The following CPLX1 variants were observed in gnomAD, a reference collection of about 807,000 sequenced individuals.
The protein encoded by CPLX1 is complexin 1, also known as complexin-1.
Under a neutral mutation model 15.6 loss-of-function variants are expected in CPLX1, and 6 were observed. The ratio of observed to expected loss-of-function variants is 0.39; its 90% CI spans 0.21 to 0.76. The LOEUF (loss-of-function observed/expected upper bound fraction) is 0.76, where lower values mean the gene tolerates loss of function less well. Ranked by LOEUF, CPLX1 falls within the 30% of genes least tolerant of loss-of-function variation. The probability of loss-of-function intolerance (pLI) is 0.43; values close to 1 mark genes in which losing one functional copy is unlikely to be tolerated. For missense variants in CPLX1, 242 were observed against 188.6 expected, an observed-to-expected ratio of 1.28 and a Z score of -1.66; for synonymous variants, 91 against 75.2, an observed-to-expected ratio of 1.21 and a Z score of -1.08.
intron 2 of CPLX1, among the ~76,000 whole-genome samples, chr4:813,276 A>G (rs1470566044): frequency 6.6e-6 from 1 of 151,972 alleles, no homozygotes; most frequent in African/African-American, 2.4e-5. Context: ...AAAAAAAAAA[A>G]AAAAAAAGAG....
chr4:791,716 C>T (rs934240882), intron 3 of CPLX1, among the ~76,000 whole-genome samples: 5 of 152,190 alleles, frequency 3.3e-5, no homozygotes, highest in African/African-American at 9.7e-5. Context: ...GGGCCTGCTG[C>T]GGCCCCTACC....
intron 2 of CPLX1, among the ~76,000 whole-genome samples, chr4:818,671 T>C (rs1746806062): frequency 6.6e-6 from 1 of 152,274 alleles, no homozygotes; most frequent in Non-Finnish European, 1.5e-5. Flanking sequence ...GGCCAAGGAT[T>C]ACAACTGTCC....
At chr4:820,371 CAG>C (rs1249753709) in intron 2 of CPLX1, among the ~76,000 whole-genome samples, 1 of 152,252 alleles carries the variant, frequency 6.6e-6, no homozygotes, top group Non-Finnish European at 1.5e-5. Flanking sequence ...CCCTAATAAA[CAG>C]AGAAGGCTGA....
intron 2 of CPLX1, among the ~76,000 whole-genome samples, chr4:822,916 T>A (rs1015022471): frequency 1.3e-5 from 2 of 152,180 alleles, no homozygotes; most frequent in Admixed American, 6.5e-5. Flanking sequence ...TGGGAAGCAC[T>A]CAGCGTGGAG....
At chr4:809,669 G>A (rs1027085493) in intron 2 of CPLX1, among the ~76,000 whole-genome samples, 25 of 152,188 alleles carry the variant, frequency 1.6e-4, no homozygotes, top group Admixed American at 1.6e-3. Flanking sequence ...AGTCTGTTTT[G>A]ACGCATGTAT....
intron 2 of CPLX1, chr4:804,804 C>A: frequency 5.1e-6 from 5 of 985,356 alleles, no homozygotes; most frequent in Non-Finnish European, 6.0e-6. Context: ...ACGGCTCTGG[C>A]GGTCGTCAGC....
chr4:820,956 C>G (rs775004350), intron 2 of CPLX1, among the ~76,000 whole-genome samples: 5 of 152,152 alleles, frequency 3.3e-5, no homozygotes, highest in African/African-American at 1.2e-4. Context: ...CTGCCTGGGC[C>G]GTCCACGAGA....
At chr4:795,441 T>C (rs557542429) in intron 2 of CPLX1, among the ~76,000 whole-genome samples, 127 of 152,248 alleles carry the variant, frequency 8.3e-4, no homozygotes, top group African/African-American at 3.1e-3. Context: ...CCGCCCCCGT[T>C]TCCAGAGGAG....
intron 3 of CPLX1, among the ~76,000 whole-genome samples, chr4:789,971 G>A (rs1163894910): frequency 1.2e-5 from 1 of 80,210 alleles, no homozygotes; most frequent in African/African-American, 7.9e-5. Flanking sequence ...CCCAACAGGT[G>A]GCCACGCCTG....
chr4:800,723 C>A (rs1746435572), intron 2 of CPLX1, among the ~76,000 whole-genome samples: 1 of 36,020 alleles, frequency 2.8e-5, no homozygotes, highest in Admixed American at 3.7e-4. Flanking sequence ...CCCGTCTCTA[C>A]TAAAAAAAAA....
chr4:795,514 CA>C (rs1188779073), intron 2 of CPLX1, among the ~76,000 whole-genome samples: 1 of 152,198 alleles, frequency 6.6e-6, no homozygotes, highest in East Asian at 1.9e-4. Context: ...ACTCTGATTG[CA>C]GGGGGGTCGG....
At position 804,965 on chromosome 4, in the gene CPLX1, C is replaced by T. The variant is rs17165030; in HGVS notation, c.32-12357G>A. 10,222 of 984,400 alleles carry T rather than the reference C, an allele frequency of 0.01. 719 individuals carry two copies. The African/African-American group carries it at 0.16, about 15-fold the overall frequency. The allele number at this position is 984,400 out of a possible 1,614,324, so 61.0% of individuals were successfully genotyped here. ...GAGTTCACCCGGCGTCCCACTCCTG[C>T]GCGGCGGCCGGCTAGGGCGGGTGCT... On this transcript the variant is annotated intron_variant, in intron 2 of 3. Coordinates refer to ENST00000304062, the MANE Select transcript of CPLX1 (RefSeq NM_006651.4).
At chr4:812,202 G>A (rs567849910) in intron 2 of CPLX1, among the ~76,000 whole-genome samples, 6 of 152,130 alleles carry the variant, frequency 3.9e-5, no homozygotes, top group Non-Finnish European at 7.4e-5. Context: ...AGCCTCCCGA[G>A]TAGCTGGGAC....
At chr4:824,651 G>C in intron 1 of CPLX1, 50 bp from the exon 2 acceptor site, 1 of 1,000,278 alleles carries the variant, frequency 1.0e-6, no homozygotes, top group South Asian at 1.3e-5. Context: ...GCCCCTGCCT[G>C]GCCTTCCCCA....
intron 1 of CPLX1, 88 bp from the exon 2 acceptor site, chr4:824,689 C>T: frequency 2.6e-6 from 2 of 771,162 alleles, no homozygotes; most frequent in Non-Finnish European, 4.5e-6. Context: ...CCCGCAATAC[C>T]TTGTGGGCTG....
chr4:796,969 C>A (rs11722977), intron 2 of CPLX1, among the ~76,000 whole-genome samples: 92,824 of 152,040 alleles, frequency 0.61, 28,982 homozygotes, highest in African/African-American at 0.72. Flanking sequence ...CACAGGACCC[C>A]CACGTGGGAC....
intron 2 of CPLX1, among the ~76,000 whole-genome samples, chr4:818,273 A>G (rs1274806359): frequency 6.6e-6 from 1 of 152,128 alleles, no homozygotes; most frequent in East Asian, 1.9e-4. Flanking sequence ...TGACCTGCTC[A>G]CCTGCTGACA....
chr4:787,757 C>T (rs947103095), intron 3 of CPLX1: 27 of 985,184 alleles, frequency 2.7e-5, no homozygotes, highest in Admixed American at 1.8e-4. Context: ...TAGATCAATA[C>T]GCCTCCCCAC....
At chr4:787,168 C>T (rs1227121141) in intron 3 of CPLX1, 1 of 985,314 alleles carries the variant, frequency 1.0e-6, no homozygotes, top group East Asian at 1.1e-4. Context: ...GCCAAGGCTG[C>T]CTGGATGCGG....
Sources: allele counts gnomAD v4.1 joint callset (sites outside exome capture counted in the v4.1 genomes callset), GRCh38; gene constraint gnomAD v4.1.1; transcripts MANE v1.5; gene names NCBI Gene and HGNC (gene_info 2026-07-23, HGNC 2026-07-21).